NUDCD3: variants seen among roughly 807,000 people sequenced by gnomAD.
NUDCD3 encodes nudC domain-containing protein 3.
In NUDCD3, 13 loss-of-function variants were observed where a neutral mutation model predicts 39.7. That is an observed-to-expected ratio of 0.33 (90% CI 0.21 to 0.52). NUDCD3 has a LOEUF of 0.52. Ranked by LOEUF, NUDCD3 falls within the 20% of genes least tolerant of loss-of-function variation. The probability of loss-of-function intolerance (pLI) is 0.96; values close to 1 mark genes in which losing one functional copy is unlikely to be tolerated. For missense variants in NUDCD3, 453 were observed against 458.1 expected, an observed-to-expected ratio of 0.99 and a Z score of 0.10; for synonymous variants, 175 against 172.4, an observed-to-expected ratio of 1.02 and a Z score of -0.12.
At chr7:44,425,997 C>T in intron 3 of NUDCD3, 1 of 326,802 alleles carries the variant, frequency 3.1e-6, no homozygotes, top group Non-Finnish European at 4.4e-6. Flanking sequence ...TCCAGTGGCG[C>T]AATCGGTTAG....
chr7:44,445,226 A>G (rs1387951490), intron 2 of NUDCD3, among the ~76,000 whole-genome samples: 1 of 152,176 alleles, frequency 6.6e-6, no homozygotes, highest in African/African-American at 2.4e-5. Flanking sequence ...TATCCTTTCT[A>G]CATCCCCTAC....
At chr7:44,448,739 C>T (rs889537089) in intron 2 of NUDCD3, among the ~76,000 whole-genome samples, 7 of 151,704 alleles carry the variant, frequency 4.6e-5, no homozygotes, top group Non-Finnish European at 8.8e-5. Context: ...GACCACCTGC[C>T]GCCTCCACTC....
At position 44,392,313 on chromosome 7, in the gene NUDCD3, G is replaced by A. The variant is rs201551368; in HGVS notation, c.959C>T (p.Pro320Leu). 1.9e-4 allele frequency: 313 copies of A among 1,613,932 alleles called. 1 individual carries two copies. Among genetic ancestry groups the A allele is most frequent in the Middle Eastern group, 3.3e-4 (2 of 6,082 alleles). Reference sequence around the variant, plus strand: ...TGCTCGTACCAGCTCATGGCTCTGTGGCTTGCCCTGCAGCTTCTGGTGGTA... The same window carrying A: ...TGCTCGTACCAGCTCATGGCTCTGTAGCTTGCCCTGCAGCTTCTGGTGGTA... ...FDYHQKLQGKPQSHELKVHEM... is the reference protein window; with the variant it reads ...FDYHQKLQGKLQSHELKVHEM... The change falls in exon 5 of 6, where the codon CCA (proline) becomes CTA (leucine). Residue 320 changes from proline to leucine, a missense_variant. Coordinates refer to ENST00000355451, the MANE Select transcript of NUDCD3 (RefSeq NM_015332.4).
intron 2 of NUDCD3, chr7:44,471,851 T>G (rs559458213): frequency 6.6e-6 from 1 of 152,398 alleles, no homozygotes; most frequent in East Asian, 1.9e-4. Context: ...GAGGGGTTAC[T>G]GCACCGGTCA....
chr7:44,459,901 T>C (rs1286292704), intron 2 of NUDCD3, among the ~76,000 whole-genome samples: 2 of 152,218 alleles, frequency 1.3e-5, no homozygotes, highest in Non-Finnish European at 2.9e-5. Flanking sequence ...TTCAAGTTAA[T>C]ATGGAGTTTT....
intron 4 of NUDCD3, among the ~76,000 whole-genome samples, chr7:44,399,802 T>C (rs1422186344): frequency 6.6e-6 from 1 of 151,776 alleles, no homozygotes. Flanking sequence ...GGGGAGGAGG[T>C]GGATACAGCT....
chr7:44,480,724 T>C (rs1276034521), intron 2 of NUDCD3, among the ~76,000 whole-genome samples: 1 of 152,016 alleles, frequency 6.6e-6, no homozygotes, highest in Non-Finnish European at 1.5e-5. Flanking sequence ...AGTGGATCAC[T>C]TGAGCTCACC....
chr7:44,405,813 AAG>A (rs1798809973), intron 3 of NUDCD3, among the ~76,000 whole-genome samples: 1 of 152,120 alleles, frequency 6.6e-6, no homozygotes, highest in African/African-American at 2.4e-5. Flanking sequence ...CTTTTTCTTT[AAG>A]AGACACGGCC....
intron 4 of NUDCD3, among the ~76,000 whole-genome samples, chr7:44,401,259 C>T (rs910498382): frequency 1.3e-5 from 2 of 152,144 alleles, no homozygotes; most frequent in Non-Finnish European, 2.9e-5. Context: ...ACAGGATCTT[C>T]GTGAATCAAA....
At chr7:44,409,526 C>T (rs1249443426) in intron 3 of NUDCD3, among the ~76,000 whole-genome samples, 1 of 151,860 alleles carries the variant, frequency 6.6e-6, no homozygotes, top group Non-Finnish European at 1.5e-5. Context: ...TCCTGAGTCA[C>T]CCCATTGTGT....
At chr7:44,453,966 CT>C (rs1174356956) in intron 2 of NUDCD3, among the ~76,000 whole-genome samples, 1 of 152,090 alleles carries the variant, frequency 6.6e-6, no homozygotes, top group African/African-American at 2.4e-5. Flanking sequence ...CGGCTTGAGC[CT>C]GGGAAGTCAA....
At chr7:44,467,901 C>T (rs1210325534) in intron 2 of NUDCD3, 11 of 1,604,534 alleles carry the variant, frequency 6.9e-6, no homozygotes, top group Admixed American at 5.0e-5. Flanking sequence ...GGCATCATGG[C>T]CGCCCTCAGA....
intron 2 of NUDCD3, among the ~76,000 whole-genome samples, chr7:44,448,140 G>A (rs948536177): frequency 3.3e-5 from 5 of 152,216 alleles, no homozygotes; most frequent in Non-Finnish European, 7.3e-5. Context: ...ACTCCCATGT[G>A]CCTTCAGCCT....
chr7:44,451,248 T>C (rs1391163786), intron 2 of NUDCD3, among the ~76,000 whole-genome samples: 2 of 152,188 alleles, frequency 1.3e-5, no homozygotes, highest in Admixed American at 6.5e-5. Context: ...AAAATTACTA[T>C]ATGATTCCAT....
intron 2 of NUDCD3, among the ~76,000 whole-genome samples, chr7:44,475,366 G>A (rs1439222179): frequency 7.9e-5 from 12 of 152,032 alleles, no homozygotes; most frequent in Non-Finnish European, 1.3e-4. Flanking sequence ...AGGCATGCAG[G>A]AAATGCTAAG....
intron 5 of NUDCD3, among the ~76,000 whole-genome samples, chr7:44,389,273 C>G (rs972921569): frequency 2.0e-5 from 3 of 152,198 alleles, no homozygotes; most frequent in African/African-American, 7.2e-5. Context: ...CAGTGAGGAT[C>G]CAGGTAGGGG....
chr7:44,477,822 C>CTTTTTTTT (rs938640330), intron 2 of NUDCD3, among the ~76,000 whole-genome samples: 1 of 94,154 alleles, frequency 1.1e-5, no homozygotes, highest in Non-Finnish European at 2.2e-5. Flanking sequence ...ATGAACAATT[C>CTTTTTTTT]TTTTTTTTTT....
chr7:44,394,850 C>CCAA (rs1285564720), intron 4 of NUDCD3, among the ~76,000 whole-genome samples: 1 of 152,150 alleles, frequency 6.6e-6, no homozygotes, highest in Non-Finnish European at 1.5e-5. Flanking sequence ...TCCACAGACC[C>CCAA]CAACACAGGG....
At chr7:44,412,986 G>C (rs1798959606) in intron 3 of NUDCD3, among the ~76,000 whole-genome samples, 1 of 146,464 alleles carries the variant, frequency 6.8e-6, no homozygotes, top group African/African-American at 2.5e-5. Context: ...GCAGAATTCA[G>C]ACAAAACTAT....
Sources: allele counts gnomAD v4.1 joint callset (sites outside exome capture counted in the v4.1 genomes callset), GRCh38; gene constraint gnomAD v4.1.1; transcripts MANE v1.5; gene names NCBI Gene and HGNC (gene_info 2026-07-23, HGNC 2026-07-21).